Variants in SPHK1 observed in about 807,000 individuals in gnomAD.
SPHK1 encodes the protein sphingosine kinase 1, also known as SK 1.
In SPHK1, 10 loss-of-function variants were observed where a neutral mutation model predicts 14.6. That is an observed-to-expected ratio of 0.68 (90% confidence interval 0.42 to 1.16). The LOEUF is 1.16. Among genes scored for constraint, SPHK1 ranks in the 50% most tolerant of loss-of-function variants. The pLI is 0.00. For synonymous variants in SPHK1, 274 were observed against 224.0 expected (o/e 1.22, Z -1.99); for missense variants, 553 against 525.4 (o/e 1.05, Z -0.51).
At position 76,385,750 on chromosome 17, in the gene SPHK1, A is replaced by G. The variant is rs991216596; in HGVS notation, c.10+96A>G. On this transcript the variant is annotated intron_variant, in intron 2 of 5. Coordinates refer to ENST00000592299, the MANE Select transcript of SPHK1 (RefSeq NM_001142601.2). This position sits in a 1 kb window ranked among gnomAD's most constrained non-coding sequence, Gnocchi z 5.3. ...AGCTGGACGAAAGGGGCTGTGGACG[A>G]TCGGGAGAAACATTATCCCTCACGA... is the stretch of plus-strand genomic sequence containing the variant. 9 of 1,433,470 alleles carry G rather than the reference A, an allele frequency of 6.3e-6. No homozygotes were observed. The highest frequency in any genetic ancestry group is 8.5e-6 in the Non-Finnish European group (9 of 1,056,242). 88.8% of individuals were successfully genotyped at this position (1,433,470 alleles called of 1,614,324 possible).
Position 76,385,427 on chromosome 17 carries a change from C to T in SPHK1, c.-194-24C>T, listed in dbSNP as rs1567822109. ...CTGGCAGCTGCGGCCCCGGACTCCG[C>T]CAGCGCTGTCTTCTCTCCCTCAGGT... On this transcript the variant is annotated intron_variant, in intron 1 of 5. Transcript: ENST00000592299. The surrounding 1 kb of genome is among the most constrained non-coding windows in gnomAD (Gnocchi z 5.3). The T allele has an allele frequency of 1.3e-6, 2 of 1,503,154 alleles. No individual in the cohort carries two copies. Among genetic ancestry groups the T allele is most frequent in the East Asian group, 4.9e-5 (2 of 40,800 alleles). The allele number at this position is 1,503,154 out of a possible 1,614,324, so 93.1% of individuals were successfully genotyped here.
chr17:76,386,439 A>C lies in SPHK1; in HGVS notation c.305A>C (p.Gln102Pro), dbSNP rs1181434859. The change falls in exon 5 of 6, where the codon CAG becomes CCG. Residue 102 changes from glutamine (Q) to proline (P), a missense_variant. Transcript: ENST00000592299. This position sits in a 1 kb window ranked among gnomAD's most constrained non-coding sequence, Gnocchi z 5.3. The stretch of plus-strand genomic sequence containing the variant: ...CGGCCTGACTGGGAGACCGCCATCC[A>C]GAAGCCCCTGTGTAGCCTCCCAGCA... Reference protein sequence around the residue: ...MERPDWETAIQKPLCSLPAGS... With the variant: ...MERPDWETAIPKPLCSLPAGS... The C allele has an allele frequency of 1.9e-6, 3 of 1,612,944 alleles. No individual in the cohort carries two copies. Among genetic ancestry groups the C allele is most frequent in the Non-Finnish European group, 1.7e-6 (2 of 1,179,938 alleles).
At position 76,386,699 on chromosome 17, in the gene SPHK1, TC is replaced by T; in HGVS notation, c.375-103del. 6 of 1,356,562 alleles carry T rather than the reference TC, an allele frequency of 4.4e-6. No individual in the cohort carries two copies. Among genetic ancestry groups the T allele is most frequent in the Non-Finnish European group, 6.0e-6 (6 of 1,000,818 alleles). The allele number at this position is 1,356,562 out of a possible 1,614,324, so 84.0% of individuals were successfully genotyped here. A position where few individuals can be genotyped will look rare whatever the true frequency, so the allele number is the denominator to read the frequency against. On this transcript the variant is annotated intron_variant, in intron 5 of 5. Coordinates refer to ENST00000592299, the MANE Select transcript of SPHK1 (RefSeq NM_001142601.2). This position sits in a 1 kb window ranked among gnomAD's most constrained non-coding sequence, Gnocchi z 5.3. Reference sequence around the variant, plus strand: ...TCTGTCACCTACCAGTCCTGCCAACTCCCCAGGGACCACATGGCGCTTTGCC... The same window carrying T: ...TCTGTCACCTACCAGTCCTGCCAACTCCCAGGGACCACATGGCGCTTTGCC...
upstream of SPHK1, chr17:76,383,959 C>T (rs959482216): frequency 1.9e-6 from 2 of 1,030,436 alleles, no homozygotes; most frequent in Non-Finnish European, 2.4e-6. Context: ...GGACAGCGCG[C>T]TAGGCGGCCT....
At chr17:76,383,954 G>C, upstream of SPHK1, 1 of 1,043,144 alleles carries the variant, frequency 9.6e-7, no homozygotes, top group South Asian at 1.8e-5. Context: ...ACCCGGGACA[G>C]CGCGCTAGGC....
rs147360809 is a variant in SPHK1, at chr17:76,387,051, G to T, written c.620G>T (p.Arg207Leu). 1.3e-5 allele frequency: 21 copies of T among 1,613,404 alleles called. No individual in the cohort carries two copies. The highest frequency in any genetic ancestry group is 1.6e-4 in the Middle Eastern group (1 of 6,082). ...CGTCTGGCAGCCCTGCGCACCTACC[G>T]CGGCCGACTGGCCTACCTCCCTGTA... ...FLRLAALRTY[R>L]GRLAYLPVGR... The change falls in exon 6 of 6, where the codon CGC becomes CTC. Residue 207 changes from arginine (R) to leucine (L), a missense_variant. Coordinates refer to ENST00000592299, the MANE Select transcript of SPHK1 (RefSeq NM_001142601.2). This position sits in a 1 kb window ranked among gnomAD's most constrained non-coding sequence, Gnocchi z 4.1.
At position 76,385,200 on chromosome 17, in the gene SPHK1, G is replaced by T; in HGVS notation, c.-194-251G>T. The T allele has an allele frequency of 6.4e-7, 1 of 1,566,644 alleles. No homozygotes were observed. The highest frequency in any genetic ancestry group is 2.3e-5 in the East Asian group (1 of 42,920). On this transcript the variant is annotated intron_variant, in intron 1 of 5. Transcript: ENST00000592299. This position sits in a 1 kb window ranked among gnomAD's most constrained non-coding sequence, Gnocchi z 5.3. ...GAGCTAGTCCGTCGGAGGGAGCCAC[G>T]GGGCTCTGACTCATCCGTCGGGCCG...
At chr17:76,383,826 AG>A, upstream of SPHK1, 1 of 1,286,496 alleles carries the variant, frequency 7.8e-7, no homozygotes, top group Non-Finnish European at 1.0e-6. Flanking sequence ...GCTGAGCCAG[AG>A]GGGGCGGGGG....
chr17:76,386,792 T>C lies in SPHK1; in HGVS notation c.375-14T>C. On this transcript the variant is annotated splice_polypyrimidine_tract_variant and intron_variant, in intron 5 of 5. Coordinates refer to ENST00000592299, the MANE Select transcript of SPHK1 (RefSeq NM_001142601.2). The surrounding 1 kb of genome is among the most constrained non-coding windows in gnomAD (Gnocchi z 5.3). ...GGCTCCTGTCCTGCCTTATCTGACT[T>C]TTTCCCCCTGCAGCTATGAGCAGGT... 1 of 1,528,088 alleles carries C rather than the reference T, an allele frequency of 6.5e-7. No individual in the cohort carries two copies. The allele number at this position is 1,528,088 out of a possible 1,614,324, so 94.7% of individuals were successfully genotyped here.
Position 76,384,933 on chromosome 17 carries a change from C to G in SPHK1, c.-195+127C>G, listed in dbSNP as rs553494877. On this transcript the variant is annotated intron_variant, in intron 1 of 5. Transcript: ENST00000592299. Reference sequence around the variant, plus strand: ...GCGGCAGCTGGTGGCCCGGTTCGGGCTTGGCTTTGGCGCGACCCGGGAGCG... The same window carrying G: ...GCGGCAGCTGGTGGCCCGGTTCGGGGTTGGCTTTGGCGCGACCCGGGAGCG... 93 of 679,488 alleles carry G rather than the reference C, an allele frequency of 1.4e-4. No homozygotes were observed. The African/African-American group carries it at 1.5e-3, about 11-fold the overall frequency. 42.1% of individuals were successfully genotyped at this position (679,488 alleles called of 1,614,324 possible). A position where few individuals can be genotyped will look rare whatever the true frequency, so the allele number is the denominator to read the frequency against.
rs1348166200 is a variant in SPHK1, at chr17:76,386,250, C to T, written c.193C>T (p.Arg65Trp). The T allele has an allele frequency of 1.3e-6, 2 of 1,594,224 alleles. No individual in the cohort carries two copies. The highest frequency in any genetic ancestry group is 2.2e-5 in the East Asian group (1 of 44,484). ...ERRNHARELV[R>W]SEELGRWDAL... Reference sequence around the variant, plus strand: ...GCGGAACCACGCGCGGGAGCTGGTGCGGTCGGAGGAGCTGGGCCGCTGGGA... The same window carrying T: ...GCGGAACCACGCGCGGGAGCTGGTGTGGTCGGAGGAGCTGGGCCGCTGGGA... Residue 65 changes from arginine (R) to tryptophan (W), a missense_variant, in exon 4 of 6, where the codon CGG becomes TGG. Coordinates refer to ENST00000592299, the MANE Select transcript of SPHK1 (RefSeq NM_001142601.2). The surrounding 1 kb of genome is among the most constrained non-coding windows in gnomAD (Gnocchi z 5.3).
chr17:76,384,082 G>A (rs1598565188), upstream of SPHK1: 2 of 290,872 alleles, frequency 6.9e-6, no homozygotes, highest in South Asian at 5.3e-5. Flanking sequence ...CCCCGGCCTG[G>A]AGAGGCGCCC....
At position 76,387,700 on chromosome 17, in the gene SPHK1, G is replaced by T. The variant is rs964296544; in HGVS notation, c.*114G>T. ...GGTGGAGGAGACTCCTCTGGAGAAG[G>T]GTGAGAAGGTGGAGGCTATGCTTTG... On this transcript the variant is annotated 3_prime_UTR_variant, in exon 6 of 6. Coordinates refer to ENST00000592299, the MANE Select transcript of SPHK1 (RefSeq NM_001142601.2). The surrounding 1 kb of genome is among the most constrained non-coding windows in gnomAD (Gnocchi z 4.1). 8.3e-7 allele frequency: 1 copy of T among 1,198,018 alleles called. No homozygotes were observed. The allele number at this position is 1,198,018 out of a possible 1,614,324, so 74.2% of individuals were successfully genotyped here. A position where few individuals can be genotyped will look rare whatever the true frequency, so the allele number is the denominator to read the frequency against.
upstream of SPHK1, chr17:76,383,981 GC>G: frequency 1.3e-6 from 1 of 762,948 alleles, no homozygotes; most frequent in African/African-American, 1.9e-5. Flanking sequence ...AGGCTCGGTA[GC>G]CCAGCTGCAG....
chr17:76,386,244 C>T lies in SPHK1; in HGVS notation c.187C>T (p.Leu63=). The stretch of plus-strand genomic sequence containing the variant: ...AGAGCGGCGGAACCACGCGCGGGAG[C>T]TGGTGCGGTCGGAGGAGCTGGGCCG... The part of the protein sequence containing the change: ...LTERRNHARE[L]VRSEELGRWD... Residue 63 remains leucine (L), a synonymous_variant, in exon 4 of 6, where the codon CTG becomes TTG. Transcript: ENST00000592299. The surrounding 1 kb of genome is among the most constrained non-coding windows in gnomAD (Gnocchi z 5.3). 6.3e-7 allele frequency: 1 copy of T among 1,594,536 alleles called. No individual in the cohort carries two copies. Among genetic ancestry groups the T allele is most frequent in the Non-Finnish European group, 8.5e-7 (1 of 1,176,270 alleles).
chr17:76,384,882 G>A, intron 1 of SPHK1, 76 bp downstream of exon 1: 1 of 456,672 alleles, frequency 2.2e-6, no homozygotes, highest in Non-Finnish European at 3.8e-6. Context: ...CGGGAACTGG[G>A]CCACTTGTCG....
At position 76,386,300 on chromosome 17, in the gene SPHK1, C is replaced by A; in HGVS notation, c.243C>A (p.Asp81Glu). ...RWDALVVMSG[D>E]GLMHEVVNGL... ...ACGCTCTGGTGGTCATGTCTGGAGA[C>A]GGGCTGATGCACGAGGTGAGGACCG... is the stretch of plus-strand genomic sequence containing the variant. The change falls in exon 4 of 6, where the codon GAC becomes GAA. Residue 81 changes from aspartate (D) to glutamate (E), a missense_variant. Asp to Glu is a conservative substitution (Grantham distance 45). Transcript: ENST00000592299. This position sits in a 1 kb window ranked among gnomAD's most constrained non-coding sequence, Gnocchi z 5.3. 1 of 1,603,548 alleles carries A rather than the reference C, an allele frequency of 6.2e-7. No homozygotes were observed.
chr17:76,387,044 A>G lies in SPHK1; in HGVS notation c.613A>G (p.Thr205Ala), dbSNP rs2072000520. The change falls in exon 6 of 6, where the codon ACC (threonine) becomes GCC (alanine). Residue 205 changes from threonine (T) to alanine (A), a missense_variant. Coordinates refer to ENST00000592299, the MANE Select transcript of SPHK1 (RefSeq NM_001142601.2). The surrounding 1 kb of genome is among the most constrained non-coding windows in gnomAD (Gnocchi z 4.1). The stretch of plus-strand genomic sequence containing the variant: ...CTTCCTGCGTCTGGCAGCCCTGCGC[A>G]CCTACCGCGGCCGACTGGCCTACCT... ...GTFLRLAALR[T>A]YRGRLAYLPV... The G allele has an allele frequency of 6.2e-7, 1 of 1,613,470 alleles. No homozygotes were observed. The highest frequency in any genetic ancestry group is 1.3e-5 in the African/African-American group (1 of 75,016).
chr17:76,386,105 A>G lies in SPHK1; in HGVS notation c.131A>G (p.Glu44Gly). Residue 44 changes from glutamate to glycine, a missense_variant, in exon 3 of 6, where the codon GAG (glutamate) becomes GGG (glycine). Physicochemically the swap from Glu to Gly is moderately conservative, Grantham distance 98. Transcript: ENST00000592299. This position sits in a 1 kb window ranked among gnomAD's most constrained non-coding sequence, Gnocchi z 5.3. The part of the protein sequence containing the change: ...FRSHVQPLLA[E>G]AEISFTLMLT... ...AGTCACGTGCAGCCCCTTTTGGCTG[A>G]GGCTGAAATCTCCTTCACGCTGATG... is the stretch of plus-strand genomic sequence containing the variant. 1 of 1,600,558 alleles carries G rather than the reference A, an allele frequency of 6.2e-7. No individual in the cohort carries two copies. The highest frequency in any genetic ancestry group is 8.5e-7 in the Non-Finnish European group (1 of 1,172,612).
Sources: gnomAD v4.1 joint callset for allele counts on GRCh38, gnomAD v4.1.1 for gene constraint, Gnocchi (gnomAD v3.1) non-coding constraint, MANE v1.5 for transcripts, NCBI Gene and HGNC (gene_info 2026-07-23, HGNC 2026-07-21) for gene names.